Variants in NCOA2 observed in about 807,000 individuals in gnomAD.
NCOA2 encodes the protein class E basic helix-loop-helix protein 75.
NCOA2 carries 21 observed loss-of-function variants against 145.1 expected under a neutral mutation model. That is an observed-to-expected ratio of 0.14 (90% CI 0.10 to 0.21). The LOEUF (loss-of-function observed/expected upper bound fraction) is 0.21. NCOA2 is among the 10% of genes least tolerant of loss of function. The pLI, the probability that NCOA2 is intolerant of heterozygous loss-of-function variation, is 1.00. For synonymous variants in NCOA2, 619 were observed against 637.5 expected, an observed-to-expected ratio of 0.97 and a Z score of 0.44; for missense variants, 1,472 against 1,837.6, an observed-to-expected ratio of 0.80 and a Z score of 3.64.
intron 1 of NCOA2, among the ~76,000 whole-genome samples, chr8:70,398,403 G>T (rs879508577): frequency 3.3e-4 from 50 of 152,330 alleles, no homozygotes; most frequent in Admixed American, 9.8e-4. Context: ...AGGCTATACA[G>T]TGAGCTGTGA....
intron 11 of NCOA2, among the ~76,000 whole-genome samples, chr8:70,153,552 G>A (rs1298730666): frequency 2.6e-5 from 4 of 152,180 alleles, no homozygotes; most frequent in Middle Eastern, 6.8e-3. Context: ...GAAATAAATC[G>A]TTTACACAGG....
chr8:70,186,833 A>G (rs898107802), intron 4 of NCOA2, among the ~76,000 whole-genome samples: 1 of 152,218 alleles, frequency 6.6e-6, no homozygotes, highest in Non-Finnish European at 1.5e-5. Context: ...ATTTGTAAAA[A>G]TGTGAATTTT....
chr8:70,371,949 AAACT>A (rs1281360310), intron 1 of NCOA2, among the ~76,000 whole-genome samples: 2 of 152,152 alleles, frequency 1.3e-5, no homozygotes, highest in Non-Finnish European at 2.9e-5. Context: ...ATTAGTTTAA[AAACT>A]AACAAATATT....
rs372646653 is a variant in NCOA2 at position 70,392,716 on chromosome 8, C to A, written c.-77+10984G>T. On this transcript the variant is annotated intron_variant, in intron 1 of 22. Transcript: ENST00000452400. Reference sequence around the variant, plus strand: ...AACTACTGAATTTCCCCAAGGTTTTCTTTACCTTTTCCTCCTCTATCCACT... The same window carrying A: ...AACTACTGAATTTCCCCAAGGTTTTATTTACCTTTTCCTCCTCTATCCACT... 5.3e-5 allele frequency among the ~76,000 whole-genome samples: 8 copies of A among 152,118 alleles called. No homozygotes were observed. In the East Asian group the frequency reaches 1.5e-3, roughly 29 times the overall value.
At chr8:70,441,738 A>C in the NCOA2 span, among the ~76,000 whole-genome samples, 1 of 150,796 alleles carries the variant, frequency 6.6e-6, no homozygotes, top group Admixed American at 6.6e-5. Flanking sequence ...AGAGAGAAAG[A>C]AACAGGAAAG....
rs555999052 is a variant in NCOA2 at position 70,241,404 on chromosome 8, T to C, written c.-19-24640A>G. On this transcript the variant is annotated intron_variant, in intron 2 of 22. Coordinates refer to ENST00000452400, the MANE Select transcript of NCOA2 (RefSeq NM_006540.4). Reference sequence around the variant, plus strand: ...CTTCCTCTAAAGCAGATTTCTGAATTAGCTGGGAGTTAATGTTCATGAATA... The same window carrying C: ...CTTCCTCTAAAGCAGATTTCTGAATCAGCTGGGAGTTAATGTTCATGAATA... 2.0e-5 allele frequency among the ~76,000 whole-genome samples: 3 copies of C among 152,168 alleles called. No homozygotes were observed. The South Asian group carries it at 6.2e-4, about 32-fold the overall frequency.
At chr8:70,278,006 ACATT>A (rs1825597036) in intron 2 of NCOA2, among the ~76,000 whole-genome samples, 1 of 152,210 alleles carries the variant, frequency 6.6e-6, no homozygotes, top group Admixed American at 6.5e-5. Flanking sequence ...CAATTTTAGA[ACATT>A]ATTAACACTA....
chr8:70,247,694 G>C (rs191012232), intron 2 of NCOA2, among the ~76,000 whole-genome samples: 3 of 152,332 alleles, frequency 2.0e-5, no homozygotes, highest in East Asian at 1.9e-4. Context: ...TCCATAGAGA[G>C]AGCGTGAGGT....
intron 2 of NCOA2, among the ~76,000 whole-genome samples, chr8:70,278,491 TG>T (rs1825633316): frequency 6.6e-6 from 1 of 152,164 alleles, no homozygotes; most frequent in Admixed American, 6.5e-5. Context: ...TTGTAAGACC[TG>T]GGGTGACTCC....
chr8:70,293,491 T>C (rs191723613), intron 2 of NCOA2, among the ~76,000 whole-genome samples: 43 of 152,362 alleles, frequency 2.8e-4, no homozygotes, highest in Admixed American at 2.5e-3. Flanking sequence ...AAGTATATAT[T>C]GTGTTTTATT....
At chr8:70,432,540 G>A in the NCOA2 span, among the ~76,000 whole-genome samples, 1 of 152,176 alleles carries the variant, frequency 6.6e-6, no homozygotes, top group Admixed American at 6.5e-5. Context: ...GCATGCACCT[G>A]TAGTCCCAGC....
At chr8:70,159,414 C>A in intron 10 of NCOA2, 91 bp downstream of exon 10, 1 of 1,193,494 alleles carries the variant, frequency 8.4e-7, no homozygotes, top group Non-Finnish European at 1.2e-6. Flanking sequence ...AAATGTCTAA[C>A]AAATCCTCAA....
At chr8:70,271,389 T>C (rs1299993788) in intron 2 of NCOA2, among the ~76,000 whole-genome samples, 1 of 152,252 alleles carries the variant, frequency 6.6e-6, no homozygotes, top group Non-Finnish European at 1.5e-5. Flanking sequence ...TTTAAACTGC[T>C]ATGTTTATGT....
At chr8:70,134,279 G>A (rs1809486562) in intron 15 of NCOA2, among the ~76,000 whole-genome samples, 1 of 152,242 alleles carries the variant, frequency 6.6e-6, no homozygotes, top group Non-Finnish European at 1.5e-5. Context: ...TGCCATGATA[G>A]CAAAGAGAGG....
chr8:70,402,204 T>C (rs1814329132), intron 1 of NCOA2: 1 of 152,354 alleles, frequency 6.6e-6, no homozygotes, highest in Non-Finnish European at 1.5e-5. Flanking sequence ...ATTGGCTCAC[T>C]GCCCCATCAG....
At chr8:70,385,197 C>A (rs1812547779) in intron 1 of NCOA2, among the ~76,000 whole-genome samples, 1 of 152,174 alleles carries the variant, frequency 6.6e-6, no homozygotes. Context: ...ATAATCTACT[C>A]TGAATTATAA....
Position 70,289,548 on chromosome 8 carries a change from A to T in NCOA2, c.-20+7196T>A, listed in dbSNP as rs568093603. Among the ~76,000 whole-genome samples the T allele has an allele frequency of 9.8e-5, 15 of 152,300 alleles. No individual in the cohort carries two copies. The South Asian group carries it at 2.9e-3, about 29-fold the overall frequency. On this transcript the variant is annotated intron_variant, in intron 2 of 22. Coordinates refer to ENST00000452400, the MANE Select transcript of NCOA2 (RefSeq NM_006540.4). The stretch of plus-strand genomic sequence containing the variant: ...CTGGGGTTCTGTCATACTGATAGTT[A>T]ACAAATTTCCAGACCATTAGGTTGA...
intron 8 of NCOA2, 73 bp downstream of exon 8, chr8:70,163,392 A>G: frequency 1.9e-6 from 2 of 1,064,184 alleles, no homozygotes; most frequent in Non-Finnish European, 2.8e-6. Context: ...TCTTCTAAAT[A>G]GAGTCCTTGC....
the NCOA2 span, among the ~76,000 whole-genome samples, chr8:70,451,237 A>AAAT: frequency 2.9e-3 from 203 of 69,482 alleles, 2 homozygotes; most frequent in East Asian, 0.016. Context: ...AAAAAAAAAA[A>AAAT]ATATATATAT....
Sources: gnomAD v4.1 joint callset for allele counts (sites outside exome capture counted in the v4.1 genomes callset) on GRCh38, gnomAD v4.1.1 for gene constraint, MANE v1.5 for transcripts, NCBI Gene and HGNC (gene_info 2026-07-23, HGNC 2026-07-21) for gene names.